Variants in TRHDE observed in about 807,000 individuals in gnomAD.
The protein encoded by TRHDE is thyrotropin-releasing hormone-degrading ectoenzyme.
Under a neutral mutation model 125.7 loss-of-function variants are expected in TRHDE, and 72 were observed. The observed-to-expected ratio is 0.57, with a 90% CI of 0.47 to 0.70. TRHDE has a LOEUF of 0.70. TRHDE is among the 30% of genes least tolerant of loss of function. The pLI is 0.00. For synonymous variants in TRHDE, 509 were observed against 509.1 expected (o/e 1.00, Z 0.00); for missense variants, 1,110 against 1,327.1 (o/e 0.84, Z 2.54).
At chr12:72,183,385 ATCT>A (rs1468547214) in intron 2 of TRHDE, among the ~76,000 whole-genome samples, 2 of 152,204 alleles carry the variant, frequency 1.3e-5, no homozygotes, top group Non-Finnish European at 2.9e-5. Context: ...ACTTAGTAAA[ATCT>A]TCTCTCGAAC....
At chr12:72,446,273 G>T (rs1210123510) in intron 3 of TRHDE, among the ~76,000 whole-genome samples, 4 of 151,048 alleles carry the variant, frequency 2.6e-5, no homozygotes, top group African/African-American at 9.7e-5. Flanking sequence ...TTTACATTGG[G>T]TATATCTCCT....
chr12:72,546,636 T>C (rs2135992526), intron 7 of TRHDE, among the ~76,000 whole-genome samples: 1 of 151,686 alleles, frequency 6.6e-6, no homozygotes, highest in Non-Finnish European at 1.5e-5. Flanking sequence ...TTCTGGTACA[T>C]AATTCTGTAA....
At chr12:72,170,567 T>C (rs2139334890) in intron 2 of TRHDE, among the ~76,000 whole-genome samples, 1 of 152,234 alleles carries the variant, frequency 6.6e-6, no homozygotes, top group East Asian at 1.9e-4. Context: ...CAGGACCACC[T>C]GGAGTGGTTG....
At chr12:72,657,081 T>G in intron 18 of TRHDE, 73 bp downstream of exon 18, 1 of 980,072 alleles carries the variant, frequency 1.0e-6, no homozygotes, top group South Asian at 1.4e-5. Context: ...CTTCAGTCAT[T>G]TCTTTCCAAC....
At chr12:72,227,780 AC>A (rs1878164242) in intron 2 of TRHDE, among the ~76,000 whole-genome samples, 1 of 152,150 alleles carries the variant, frequency 6.6e-6, no homozygotes, top group Non-Finnish European at 1.5e-5. Flanking sequence ...GGTAAATACA[AC>A]CATTCCAAAT....
chr12:72,253,701 G>A (rs1486227242), intron 2 of TRHDE: 4 of 152,152 alleles, frequency 2.6e-5, no homozygotes, highest in Non-Finnish European at 4.4e-5. Context: ...TCTTCATTAA[G>A]TTGAAGTAAT....
At chr12:72,196,641 T>C (rs1190577935) in intron 2 of TRHDE, among the ~76,000 whole-genome samples, 5 of 152,104 alleles carry the variant, frequency 3.3e-5, no homozygotes, top group Non-Finnish European at 7.4e-5. Flanking sequence ...TTCACCTACT[T>C]ATACCTATGC....
chr12:72,388,946 T>C (rs1872533195), intron 3 of TRHDE, among the ~76,000 whole-genome samples: 1 of 151,680 alleles, frequency 6.6e-6, no homozygotes, highest in African/African-American at 2.4e-5. Context: ...ACTGTAGATT[T>C]GACAAACATC....
chr12:72,358,537 G>A lies in TRHDE; in HGVS notation c.1189-19458G>A, dbSNP rs1437640424. ...TCGACAGTAGGCTATTAGTAGTTAA[G>A]TTTTGGGGTAGTTAAAAGTTCTACA... On this transcript the variant is annotated intron_variant, in intron 2 of 18. Coordinates refer to ENST00000261180, the MANE Select transcript of TRHDE (RefSeq NM_013381.3). 2.0e-5 allele frequency among the ~76,000 whole-genome samples: 3 copies of A among 151,546 alleles called. No homozygotes were observed. The Admixed American group carries it at 2.0e-4, about 10-fold the overall frequency.
intron 2 of TRHDE, among the ~76,000 whole-genome samples, chr12:72,346,375 G>A (rs1360177979): frequency 6.6e-6 from 1 of 152,028 alleles, no homozygotes; most frequent in African/African-American, 2.4e-5. Flanking sequence ...AAAGCATCCA[G>A]CCAAGATGGT....
chr12:72,162,633 T>A (rs969458974), intron 2 of TRHDE, among the ~76,000 whole-genome samples: 1 of 152,166 alleles, frequency 6.6e-6, no homozygotes, highest in Admixed American at 6.5e-5. Flanking sequence ...TACATAAAAC[T>A]CTTTCTGCTT....
chr12:72,630,551 G>A (rs1355175646), intron 15 of TRHDE, among the ~76,000 whole-genome samples: 1 of 151,600 alleles, frequency 6.6e-6, no homozygotes, highest in Admixed American at 6.6e-5. Flanking sequence ...GAAAACTAAT[G>A]CACACACCTT....
chr12:72,312,237 A>G (rs1215685465), intron 2 of TRHDE, among the ~76,000 whole-genome samples: 1 of 152,234 alleles, frequency 6.6e-6, no homozygotes, highest in Non-Finnish European at 1.5e-5. Flanking sequence ...ATTATGCAGC[A>G]TGATGACTTT....
chr12:72,500,849 CTTTT>C (rs11314911), intron 6 of TRHDE, among the ~76,000 whole-genome samples: 302 of 109,346 alleles, frequency 2.8e-3, no homozygotes, highest in African/African-American at 9.4e-3. Flanking sequence ...CAACTTTGTT[CTTTT>C]TTTTTTTTTT....
intron 3 of TRHDE, among the ~76,000 whole-genome samples, chr12:72,411,352 A>G (rs1873500673): frequency 6.6e-6 from 1 of 152,100 alleles, no homozygotes; most frequent in Admixed American, 6.5e-5. Context: ...ATTTTTATAT[A>G]CCAGCAAAAT....
intron 2 of TRHDE, among the ~76,000 whole-genome samples, chr12:72,349,815 A>G (rs541275098): frequency 3.5e-4 from 53 of 152,196 alleles, no homozygotes; most frequent in South Asian, 2.9e-3. Flanking sequence ...TTTCCTAAAT[A>G]TATAACTATA....
intron 5 of TRHDE, among the ~76,000 whole-genome samples, chr12:72,490,718 G>T (rs975712821): frequency 7.9e-6 from 1 of 126,424 alleles, no homozygotes; most frequent in Admixed American, 8.4e-5. Flanking sequence ...GACACAGAAA[G>T]AACAATATTG....
At chr12:72,088,501 A>G (rs1296887742) in intron 1 of TRHDE, among the ~76,000 whole-genome samples, 2 of 152,100 alleles carry the variant, frequency 1.3e-5, no homozygotes, top group East Asian at 3.8e-4. Flanking sequence ...GTAGCAGTTT[A>G]GCATTCTAGA....
intron 2 of TRHDE, among the ~76,000 whole-genome samples, chr12:72,142,872 C>G (rs1009821980): frequency 6.6e-6 from 1 of 152,064 alleles, no homozygotes; most frequent in Non-Finnish European, 1.5e-5. Flanking sequence ...CCACTCCACT[C>G]CCCTTTCCAG....
Sources: gnomAD v4.1 joint callset for allele counts (sites outside exome capture counted in the v4.1 genomes callset) on GRCh38, gnomAD v4.1.1 for gene constraint, MANE v1.5 for transcripts, NCBI Gene and HGNC (gene_info 2026-07-23, HGNC 2026-07-21) for gene names.